Variants in LAMA5 observed in about 807,000 individuals in gnomAD.
The protein encoded by LAMA5 is laminin subunit alpha 5.
A neutral mutation model predicts 433.4 loss-of-function variants in LAMA5; 260 were observed. The ratio of observed to expected loss-of-function variants is 0.60; its 90% confidence interval spans 0.54 to 0.66. LAMA5 has a LOEUF of 0.66. Ranked by LOEUF, LAMA5 falls within the 30% of genes least tolerant of loss-of-function variation. The pLI, the probability that LAMA5 is intolerant of heterozygous loss-of-function variation, is 0.00. For missense variants in LAMA5, 5,378 were observed against 5,258.5 expected, an observed-to-expected ratio of 1.02 and a Z score of -0.70; for synonymous variants, 2,620 against 2,226.6, an observed-to-expected ratio of 1.18 and a Z score of -4.97.
chr20:62,329,754 G>GTAT, intron 32 of LAMA5, 23 bp downstream of exon 32: 1 of 1,611,434 alleles, frequency 6.2e-7, no homozygotes, highest in Non-Finnish European at 8.5e-7. Context: ...TGGTCCCTGA[G>GTAT]CAGGACATCA....
intron 9 of LAMA5, 112 bp from the exon 10 acceptor site, chr20:62,346,327 A>G: frequency 1.4e-6 from 2 of 1,444,440 alleles, no homozygotes; most frequent in Non-Finnish European, 1.9e-6. Flanking sequence ...TGAGGGCTAC[A>G]GCCAGGCCCC....
rs200366931 is a variant in LAMA5 at position 62,320,632 on chromosome 20, G to A, written c.6686C>T (p.Thr2229Met). ...CTCCAGCACCTCCAGCTGCTGTGCC[G>A]TCTCATGGCGGGGGCCCAGGGGGCT... ...LRSPLGPRHE[T>M]AQQLEVLEQQ... The change falls in exon 50 of 80, where the codon ACG (threonine) becomes ATG (methionine). Residue 2229 changes from threonine to methionine, a missense_variant. Transcript: ENST00000252999. The A allele has an allele frequency of 8.4e-5, 135 of 1,610,090 alleles. No homozygotes were observed. The highest frequency in any genetic ancestry group is 2.5e-4 in the East Asian group (11 of 44,820).
Position 62,309,365 on chromosome 20 carries a change from C to T in LAMA5, c.11059G>A (p.Val3687Met), listed in dbSNP as rs1174577018. Residue 3687 changes from valine (V) to methionine (M), a missense_variant, in exon 80 of 80, where the codon GTG (valine) becomes ATG (methionine). Coordinates refer to ENST00000252999, the MANE Select transcript of LAMA5 (RefSeq NM_005560.6). ...MTRSVEVHGA[V>M]GASGCPAA ...GCGGCTGGGCAGCCACTGGCCCCCA[C>T]TGCCCCGTGGACCTCCACAGAGCGA... 1.3e-5 allele frequency: 20 copies of T among 1,590,476 alleles called. No homozygotes were observed. In the East Asian group the frequency reaches 4.5e-4, roughly 36 times the overall value.
At chr20:62,321,028 G>A (rs951556769) in intron 48 of LAMA5, 138 bp from the exon 49 acceptor site, 6 of 917,894 alleles carry the variant, frequency 6.5e-6, no homozygotes, top group African/African-American at 3.3e-5. Context: ...CAGGACCTGT[G>A]GGGAGGTCCC....
rs930487528 is a variant in LAMA5, at chr20:62,319,804, G to T, written c.6760-9C>A. 1.9e-6 allele frequency: 3 copies of T among 1,541,346 alleles called. No homozygotes were observed. The highest frequency in any genetic ancestry group is 1.7e-6 in the Non-Finnish European group (2 of 1,143,056). On this transcript the variant is annotated splice_polypyrimidine_tract_variant and intron_variant, in intron 50 of 79. Transcript: ENST00000252999. ...TCTCGGGTCCCCACGGCCTGTGGAG[G>T]AAGAGCCCACTAGCCCACGCTGCTG...
chr20:62,328,217 G>C, intron 35 of LAMA5, 24 bp downstream of exon 35: 1 of 1,576,210 alleles, frequency 6.3e-7, no homozygotes, highest in African/African-American at 1.3e-5. Context: ...CAGGGGCCGC[G>C]CTGACGCCGC....
In LAMA5 at chr20:62,317,428, G is replaced by C; in HGVS notation, c.7428C>G (p.Ser2476=). ...CTAGACGCAGCTTGCTGCCCGCCGG[G>C]GAGAAGGTCTGCATCCTCTGCAGCA... is the stretch of plus-strand genomic sequence containing the variant. ...TPLLQRMQTF[S]PAGSKLRLVE... Residue 2476 remains serine, a synonymous_variant, in exon 55 of 80, where the codon TCC becomes TCG. Transcript: ENST00000252999. 6.2e-7 allele frequency: 1 copy of C among 1,606,266 alleles called. No individual in the cohort carries two copies. Among genetic ancestry groups the C allele is most frequent in the Non-Finnish European group, 8.5e-7 (1 of 1,176,698 alleles).
chr20:62,338,778 C>T (rs1208092667), intron 11 of LAMA5, among the ~76,000 whole-genome samples, 170 bp from the exon 12 acceptor site: 1 of 152,198 alleles, frequency 6.6e-6, no homozygotes, highest in African/African-American at 2.4e-5. Flanking sequence ...GTGGCTCACG[C>T]CTGTAATCCC....
chr20:62,353,367 G>T, intron 2 of LAMA5, 116 bp from the exon 3 acceptor site: 1 of 714,414 alleles, frequency 1.4e-6, no homozygotes, highest in Non-Finnish European at 2.3e-6. Context: ...TGGCACCCTC[G>T]CCGCACAGGG....
chr20:62,358,670 G>C (rs189754001), intron 2 of LAMA5, among the ~76,000 whole-genome samples: 74 of 152,292 alleles, frequency 4.9e-4, no homozygotes, highest in Admixed American at 2.1e-3. Flanking sequence ...ACCAGCCCGG[G>C]AACCCAGACT....
chr20:62,316,353 T>C (rs1410222755), intron 57 of LAMA5: 10 of 542,298 alleles, frequency 1.8e-5, no homozygotes, highest in South Asian at 4.7e-5. Context: ...ACCTTTCTCA[T>C]TGCGCAGCTT....
Position 62,367,042 on chromosome 20 carries a change from G to C in LAMA5, c.204C>G (p.Ala68=). The change falls in exon 1 of 80, where the codon GCC becomes GCG. Residue 68 remains alanine, a synonymous_variant. Transcript: ENST00000252999. ...IAASATCGEE[A]PARGSPRPTE... ...TGGGGCGCGGGGAGCCGCGCGCCGG[G>C]GCCTCCTCTCCGCAGGTCGCGGAGG... The C allele has an allele frequency of 7.9e-7, 1 of 1,266,524 alleles. No homozygotes were observed. Among genetic ancestry groups the C allele is most frequent in the Non-Finnish European group, 9.9e-7 (1 of 1,008,906 alleles). 78.5% of individuals were successfully genotyped at this position (1,266,524 alleles called of 1,614,324 possible).
At chr20:62,350,242 G>A (rs1181635904) in intron 6 of LAMA5, among the ~76,000 whole-genome samples, 7 of 152,018 alleles carry the variant, frequency 4.6e-5, no homozygotes, top group East Asian at 1.9e-4. Flanking sequence ...CTGCTGTCAC[G>A]AGCTGCGTCC....
rs765161924 is a variant in LAMA5, at chr20:62,319,773, G to A, written c.6782C>T (p.Ala2261Val). 1.9e-5 allele frequency: 29 copies of A among 1,547,322 alleles called. No homozygotes were observed. Among genetic ancestry groups the A allele is most frequent in the East Asian group, 4.9e-5 (2 of 40,974 alleles). Residue 2261 changes from alanine to valine, a missense_variant, in exon 51 of 80, where the codon GCG becomes GTG. Coordinates refer to ENST00000252999, the MANE Select transcript of LAMA5 (RefSeq NM_005560.6). The stretch of plus-strand genomic sequence containing the variant: ...CTCGGTGCCGGCCAGCAATTGGCTC[G>A]CCTGGTCTCGGGTCCCCACGGCCTG... ...GGQAVGTRDQ[A>V]SQLLAGTEAT...
At chr20:62,334,884 C>T in intron 20 of LAMA5, 137 bp downstream of exon 20, 1 of 816,542 alleles carries the variant, frequency 1.2e-6, no homozygotes, top group South Asian at 1.6e-5. Flanking sequence ...CTGGCACAGG[C>T]TGGCACCAAG....
At position 62,314,647 on chromosome 20, in the gene LAMA5, A is replaced by G. The variant is rs1986734658; in HGVS notation, c.8275T>C (p.Tyr2759His). 1 of 1,612,672 alleles carries G rather than the reference A, an allele frequency of 6.2e-7. No homozygotes were observed. The highest frequency in any genetic ancestry group is 8.5e-7 in the Non-Finnish European group (1 of 1,179,922). ...TPRDLADLAA[Y>H]TALKFYLQGP... is the part of the protein sequence containing the mutation. ...TGCAGGTAGAACTTGAGGGCAGTGT[A>G]GGCAGCAAGGTCGGCAAGATCCCGT... is the stretch of plus-strand genomic sequence containing the variant. Residue 2759 changes from tyrosine (Y) to histidine (H), a missense_variant, in exon 61 of 80, where the codon TAC becomes CAC. Coordinates refer to ENST00000252999, the MANE Select transcript of LAMA5 (RefSeq NM_005560.6).
chr20:62,326,618 C>A lies in LAMA5; in HGVS notation c.5298+59G>T, dbSNP rs1431460782. On this transcript the variant is annotated intron_variant, in intron 40 of 79. Coordinates refer to ENST00000252999, the MANE Select transcript of LAMA5 (RefSeq NM_005560.6). Reference sequence around the variant, plus strand: ...ACAGCAGCACTGGGACCCCTTCCGGCCTTCCCAGATGAGCTGAGGTCCATG... The same window carrying A: ...ACAGCAGCACTGGGACCCCTTCCGGACTTCCCAGATGAGCTGAGGTCCATG... The A allele has an allele frequency of 2.9e-6, 4 of 1,396,056 alleles. No homozygotes were observed. In the East Asian group the frequency reaches 9.3e-5, roughly 33 times the overall value. The allele number at this position is 1,396,056 out of a possible 1,614,324, so 86.5% of individuals were successfully genotyped here. A position where few individuals can be genotyped will look rare whatever the true frequency, so the allele number is the denominator to read the frequency against.
intron 50 of LAMA5, 104 bp from the exon 51 acceptor site, chr20:62,319,899 G>A (rs549545148): frequency 1.3e-5 from 10 of 766,504 alleles, no homozygotes; most frequent in Non-Finnish European, 1.9e-5. Flanking sequence ...CAGGGAAGAG[G>A]GGCCCCTTAT....
intron 28 of LAMA5, among the ~76,000 whole-genome samples, chr20:62,331,568 G>A (rs1003701538): frequency 6.6e-6 from 1 of 151,974 alleles, no homozygotes; most frequent in African/African-American, 2.4e-5. Flanking sequence ...GTGCTGCTTG[G>A]TGCCACCAGG....
Sources: gnomAD v4.1 joint callset for allele counts (sites outside exome capture counted in the v4.1 genomes callset) on GRCh38, gnomAD v4.1.1 for gene constraint, MANE v1.5 for transcripts, NCBI Gene and HGNC (gene_info 2026-07-23, HGNC 2026-07-21) for gene names.